Variants in CDK7 observed in about 807,000 individuals in gnomAD.
The protein encoded by CDK7 is cyclin-dependent kinase 7.
In CDK7, 25 loss-of-function variants were observed where a neutral mutation model predicts 49.1. The ratio of observed to expected loss-of-function variants is 0.51; its 90% CI spans 0.37 to 0.71. CDK7 has a LOEUF of 0.71. CDK7 is among the 30% of genes least tolerant of loss of function. The pLI is 0.00. For missense variants in CDK7, 316 were observed against 411.7 expected (o/e 0.77, Z 2.01); for synonymous variants, 107 against 140.0 (o/e 0.76, Z 1.67).
intron 2 of CDK7, among the ~76,000 whole-genome samples, chr5:69,246,310 T>C (rs1421114894): frequency 2.0e-5 from 3 of 152,086 alleles, no homozygotes; most frequent in African/African-American, 7.2e-5. Context: ...CCGATGTTTG[T>C]ATTTTTAGTA....
At chr5:69,272,597 ATGTTT>A (rs1004342437) in intron 9 of CDK7, among the ~76,000 whole-genome samples, 3 of 152,172 alleles carry the variant, frequency 2.0e-5, no homozygotes, top group Non-Finnish European at 2.9e-5. Flanking sequence ...TACCCTATAC[ATGTTT>A]TGTTACATTT....
intron 2 of CDK7, among the ~76,000 whole-genome samples, chr5:69,239,899 A>AC (rs1364202694): frequency 2.0e-5 from 3 of 148,190 alleles, no homozygotes; most frequent in African/African-American, 7.5e-5. Flanking sequence ...TTCAATAGAG[A>AC]CAGGGTCTTT....
Position 69,276,563 on chromosome 5 carries a change from C to T in CDK7, c.885C>T (p.Phe295=). 1 of 1,613,160 alleles carries T rather than the reference C, an allele frequency of 6.2e-7. No homozygotes were observed. Among genetic ancestry groups the T allele is most frequent in the Non-Finnish European group, 8.5e-7 (1 of 1,179,992 alleles). The change falls in exon 11 of 12, where the codon TTC becomes TTT. Residue 295 remains phenylalanine, a synonymous_variant. Transcript: ENST00000256443. The part of the protein sequence containing the change: ...TATQALKMKY[F]SNRPGPTPGC... ...AAAAGGCACTGAAAATGAAGTATTT[C>T]AGTAATCGGCCAGGGCCAACACCTG...
intron 8 of CDK7, among the ~76,000 whole-genome samples, chr5:69,263,912 C>T (rs1580325501): frequency 6.6e-6 from 1 of 152,316 alleles, no homozygotes; most frequent in Non-Finnish European, 1.5e-5. Flanking sequence ...GGCATTGTTG[C>T]TGGAATCATC....
At chr5:69,272,679 A>G (rs1293747768) in intron 9 of CDK7, among the ~76,000 whole-genome samples, 3 of 151,970 alleles carry the variant, frequency 2.0e-5, no homozygotes, top group Non-Finnish European at 2.9e-5. Flanking sequence ...TTTGATGTCC[A>G]CATATTTATT....
intron 4 of CDK7, among the ~76,000 whole-genome samples, chr5:69,255,176 G>T (rs763333571): frequency 3.9e-5 from 6 of 152,162 alleles, no homozygotes; most frequent in Non-Finnish European, 8.8e-5. Context: ...TTGGAGACTG[G>T]AATGAGGTTT....
At chr5:69,240,535 C>T (rs187021259) in intron 2 of CDK7, among the ~76,000 whole-genome samples, 1 of 152,184 alleles carries the variant, frequency 6.6e-6, no homozygotes, top group Non-Finnish European at 1.5e-5. Context: ...ATATTGGTCA[C>T]TGTTGAATCT....
intron 2 of CDK7, among the ~76,000 whole-genome samples, chr5:69,249,276 C>T (rs1276809727): frequency 6.6e-6 from 1 of 152,164 alleles, no homozygotes; most frequent in East Asian, 1.9e-4. Flanking sequence ...CACAGTGGCT[C>T]ATGCCTGTAA....
At chr5:69,242,180 TA>T (rs1295378859) in intron 2 of CDK7, among the ~76,000 whole-genome samples, 2 of 152,242 alleles carry the variant, frequency 1.3e-5, no homozygotes, top group African/African-American at 4.8e-5. Flanking sequence ...AGAAAGAGTT[TA>T]ATTGTCACAG....
At chr5:69,263,659 G>A (rs1324551515) in intron 8 of CDK7, among the ~76,000 whole-genome samples, 1 of 152,228 alleles carries the variant, frequency 6.6e-6, no homozygotes, top group Non-Finnish European at 1.5e-5. Flanking sequence ...AGGGGGTCCT[G>A]TGAATCAGCT....
chr5:69,273,492 ACAT>A (rs1371230251), intron 10 of CDK7, among the ~76,000 whole-genome samples: 1 of 152,176 alleles, frequency 6.6e-6, no homozygotes, highest in Non-Finnish European at 1.5e-5. Flanking sequence ...GATCATTCTC[ACAT>A]TGAGAACATG....
At chr5:69,241,813 T>G (rs904205074) in intron 2 of CDK7, among the ~76,000 whole-genome samples, 1 of 152,222 alleles carries the variant, frequency 6.6e-6, no homozygotes, top group Non-Finnish European at 1.5e-5. Context: ...GATATTAATC[T>G]CTTATCAGAT....
intron 2 of CDK7, among the ~76,000 whole-genome samples, chr5:69,249,827 C>T (rs137895827): frequency 6.6e-6 from 1 of 152,314 alleles, no homozygotes; most frequent in East Asian, 1.9e-4. Context: ...GCCTGGGCAA[C>T]AAGAGCAAAA....
Position 69,254,643 on chromosome 5 carries a change from G to A in CDK7, c.202G>A (p.Glu68Lys). The A allele has an allele frequency of 3.9e-6, 6 of 1,542,188 alleles. No homozygotes were observed. The highest frequency in any genetic ancestry group is 5.4e-6 in the Non-Finnish European group (6 of 1,114,842). The change falls in exon 4 of 12, where the codon GAG (glutamate) becomes AAG (lysine). Residue 68 changes from glutamate to lysine, a missense_variant. Transcript: ENST00000256443. The stretch of plus-strand genomic sequence containing the variant: ...CTTAAGAGAGATAAAATTATTACAG[G>A]AGCTAAGTCATCCAAATATAATTGG... ...TALREIKLLQ[E>K]LSHPNIIGLL...
intron 2 of CDK7, among the ~76,000 whole-genome samples, chr5:69,248,453 C>T (rs1051455540): frequency 2.6e-5 from 4 of 151,260 alleles, no homozygotes; most frequent in African/African-American, 4.9e-5. Flanking sequence ...AATGGCATGT[C>T]GTTGGCTCAC....
At chr5:69,265,281 A>G (rs1751074943) in intron 8 of CDK7, among the ~76,000 whole-genome samples, 1 of 152,072 alleles carries the variant, frequency 6.6e-6, no homozygotes, top group Admixed American at 6.5e-5. Context: ...TAAAAAAAAA[A>G]ATGAGTACAA....
chr5:69,252,980 C>T (rs530382151), intron 3 of CDK7, among the ~76,000 whole-genome samples: 1 of 152,262 alleles, frequency 6.6e-6, no homozygotes, highest in Non-Finnish European at 1.5e-5. Context: ...TCCAAATCAC[C>T]CACATAAATG....
chr5:69,248,309 T>C (rs1014247959), intron 2 of CDK7, among the ~76,000 whole-genome samples: 10 of 152,228 alleles, frequency 6.6e-5, no homozygotes, highest in African/African-American at 2.4e-4. Flanking sequence ...CTGCCAGATA[T>C]ATTGGGGGCT....
At chr5:69,239,428 T>C (rs1463582639) in intron 2 of CDK7, among the ~76,000 whole-genome samples, 1 of 152,164 alleles carries the variant, frequency 6.6e-6, no homozygotes, top group Non-Finnish European at 1.5e-5. Context: ...TTATTGGACT[T>C]ATTCATACTT....
Sources: allele counts gnomAD v4.1 joint callset (sites outside exome capture counted in the v4.1 genomes callset), GRCh38; gene constraint gnomAD v4.1.1; transcripts MANE v1.5; gene names NCBI Gene and HGNC (gene_info 2026-07-23, HGNC 2026-07-21).